The following TRPM3 variants were observed in gnomAD, a reference collection of about 807,000 sequenced individuals.
TRPM3 encodes long transient receptor potential channel 3.
TRPM3 carries 77 observed loss-of-function variants against 181.2 expected under a neutral mutation model. The ratio of observed to expected loss-of-function variants is 0.42; its 90% confidence interval spans 0.35 to 0.51. TRPM3 has a LOEUF of 0.51. Among genes scored for constraint, TRPM3 ranks in the 20% least tolerant of loss-of-function variants. The pLI is 0.01. For missense variants in TRPM3, 1,759 were observed against 2,196.7 expected (o/e 0.80, Z 3.98); for synonymous variants, 745 against 796.4 (o/e 0.94, Z 1.09).
intron 9 of TRPM3, among the ~76,000 whole-genome samples, chr9:70,680,406 G>A (rs190792019): frequency 1.3e-5 from 2 of 152,184 alleles, no homozygotes; most frequent in African/African-American, 4.8e-5. Flanking sequence ...ACTGGAAAAT[G>A]AATGAAATAG....
chr9:70,832,759 C>T (rs2094026054), intron 5 of TRPM3, among the ~76,000 whole-genome samples: 1 of 152,084 alleles, frequency 6.6e-6, no homozygotes, highest in South Asian at 2.1e-4. Context: ...TTGAGTTTTC[C>T]TAGCTATTTT....
At chr9:70,569,050 C>A (rs1262423814) in intron 22 of TRPM3, among the ~76,000 whole-genome samples, 1 of 152,136 alleles carries the variant, frequency 6.6e-6, no homozygotes, top group East Asian at 1.9e-4. Context: ...TAACTATTGT[C>A]CAATAATTCC....
At chr9:70,797,855 G>A (rs2087628393) in intron 6 of TRPM3, among the ~76,000 whole-genome samples, 1 of 152,174 alleles carries the variant, frequency 6.6e-6, no homozygotes, top group African/African-American at 2.4e-5. Context: ...GATGTGCAGT[G>A]AGGTGAGCAG....
At chr9:71,192,017 T>G (rs550208581) in intron 1 of TRPM3, among the ~76,000 whole-genome samples, 2 of 151,834 alleles carry the variant, frequency 1.3e-5, no homozygotes, top group Non-Finnish European at 2.9e-5. Context: ...TTTTCAGTCT[T>G]CAACTAAAGG....
chr9:71,286,147 T>A (rs1470704453), intron 1 of TRPM3, among the ~76,000 whole-genome samples: 1 of 152,182 alleles, frequency 6.6e-6, no homozygotes, highest in African/African-American at 2.4e-5. Flanking sequence ...TTTCATAAGG[T>A]AGCGAGGTAT....
At chr9:70,694,060 A>G (rs2069420243) in intron 8 of TRPM3, among the ~76,000 whole-genome samples, 1 of 152,196 alleles carries the variant, frequency 6.6e-6, no homozygotes, top group Non-Finnish European at 1.5e-5. Context: ...AGAGCTGCTC[A>G]AATAACACTC....
chr9:71,064,250 T>C (rs770485597), intron 1 of TRPM3, among the ~76,000 whole-genome samples: 41 of 152,246 alleles, frequency 2.7e-4, no homozygotes, highest in Middle Eastern at 3.4e-3. Flanking sequence ...TGTTGGCAAG[T>C]TAACACTGGA....
intron 1 of TRPM3, among the ~76,000 whole-genome samples, chr9:71,009,303 AT>A (rs903581873): frequency 6.6e-6 from 1 of 152,190 alleles, no homozygotes; most frequent in African/African-American, 2.4e-5. Context: ...AAGTTGAATG[AT>A]GCCAATTTGA....
At chr9:71,024,408 G>A (rs1590744068) in intron 1 of TRPM3, among the ~76,000 whole-genome samples, 1 of 152,130 alleles carries the variant, frequency 6.6e-6, no homozygotes, top group African/African-American at 2.4e-5. Context: ...GGCAAAGGGA[G>A]ATTTGAAGGA....
At chr9:70,810,353 A>G (rs1470470676) in intron 6 of TRPM3, among the ~76,000 whole-genome samples, 38 of 145,188 alleles carry the variant, frequency 2.6e-4, no homozygotes, top group Admixed American at 2.6e-3. Flanking sequence ...ACCCTGTCCT[A>G]TGGATACACG....
At chr9:71,275,077 A>T (rs1044816083) in intron 1 of TRPM3, among the ~76,000 whole-genome samples, 1 of 152,180 alleles carries the variant, frequency 6.6e-6, no homozygotes, top group Non-Finnish European at 1.5e-5. Context: ...AAAAAAAAAT[A>T]AAAGCATAAG....
chr9:71,068,181 A>C, intron 1 of TRPM3, among the ~76,000 whole-genome samples: 1 of 152,318 alleles, frequency 6.6e-6, no homozygotes, highest in South Asian at 2.1e-4. Flanking sequence ...ACTCTTCTTC[A>C]TGGAAGATTT....
chr9:71,304,967 A>T (rs1294650233), intron 1 of TRPM3, among the ~76,000 whole-genome samples: 1 of 152,206 alleles, frequency 6.6e-6, no homozygotes, highest in Admixed American at 6.5e-5. Context: ...ATTTTTTAGT[A>T]GGTACTAAGC....
intron 1 of TRPM3, among the ~76,000 whole-genome samples, chr9:71,001,688 G>GA (rs2097604514): frequency 6.6e-6 from 1 of 152,184 alleles, no homozygotes; most frequent in Non-Finnish European, 1.5e-5. Context: ...AATCCAAAGA[G>GA]AAAATCACTG....
chr9:71,216,940 T>TC (rs1204582004), intron 1 of TRPM3, among the ~76,000 whole-genome samples: 29 of 26,058 alleles, frequency 1.1e-3, no homozygotes, highest in Non-Finnish European at 2.7e-3. Flanking sequence ...GCCCTTTCTT[T>TC]TTTTTTTTTT....
At chr9:70,930,986 A>G (rs1336452598) in intron 1 of TRPM3, among the ~76,000 whole-genome samples, 1 of 152,170 alleles carries the variant, frequency 6.6e-6, no homozygotes, top group Non-Finnish European at 1.5e-5. Flanking sequence ...TGTATTTTCC[A>G]AACTCCGCAT....
rs558330347 is a variant in TRPM3 at position 70,683,302 on chromosome 9, C to T, written c.1273-1724G>A. On this transcript the variant is annotated intron_variant, in intron 8 of 25. Transcript: ENST00000677713. ...TGGTATGATCATAGCTCACTGCAGC[C>T]TCAATCTCCTGGGTTCAAACAATCC... Among the ~76,000 whole-genome samples, 15 of 152,126 alleles carry T rather than the reference C, an allele frequency of 9.9e-5. No individual in the cohort carries two copies. The East Asian group carries it at 2.3e-3, about 24-fold the overall frequency.
At chr9:70,989,143 C>T (rs773281690) in intron 1 of TRPM3, among the ~76,000 whole-genome samples, 3 of 152,094 alleles carry the variant, frequency 2.0e-5, no homozygotes, top group Admixed American at 2.0e-4. Flanking sequence ...AGGACACATA[C>T]ACTATATACA....
intron 25 of TRPM3, among the ~76,000 whole-genome samples, chr9:70,546,169 A>G (rs111635554): frequency 6.6e-6 from 1 of 152,242 alleles, no homozygotes; most frequent in African/African-American, 2.4e-5. Flanking sequence ...ACAGTGAATA[A>G]TTCAGCACCA....
Sources: gnomAD v4.1 joint callset for allele counts (sites outside exome capture counted in the v4.1 genomes callset) on GRCh38, gnomAD v4.1.1 for gene constraint, MANE v1.5 for transcripts, NCBI Gene and HGNC (gene_info 2026-07-23, HGNC 2026-07-21) for gene names.